The following SND1 variants were observed in gnomAD, a reference collection of about 807,000 sequenced individuals.
The protein encoded by SND1 is staphylococcal nuclease domain-containing protein 1.
Under a neutral mutation model 121.7 loss-of-function variants are expected in SND1, and 38 were observed. The ratio of observed to expected loss-of-function variants is 0.31; its 90% CI spans 0.24 to 0.41. The LOEUF (loss-of-function observed/expected upper bound fraction) is 0.41, where lower values mean the gene tolerates loss of function less well. Ranked by LOEUF, SND1 falls within the 10% of genes least tolerant of loss-of-function variation. The pLI is 1.00. For missense variants in SND1, 868 were observed against 1,184.6 expected (o/e 0.73, Z 3.92); for synonymous variants, 401 against 447.4 (o/e 0.90, Z 1.31).
At chr7:128,091,529 G>A (rs779861845) in intron 22 of SND1, among the ~76,000 whole-genome samples, 7 of 152,096 alleles carry the variant, frequency 4.6e-5, no homozygotes, top group Non-Finnish European at 7.4e-5. Context: ...ATTTTAAATG[G>A]GGTTGCCCGA....
At chr7:127,882,588 C>T (rs1442069867) in intron 12 of SND1, among the ~76,000 whole-genome samples, 1 of 152,014 alleles carries the variant, frequency 6.6e-6, no homozygotes, top group Non-Finnish European at 1.5e-5. Context: ...TCTTCCTCCT[C>T]TCAATTATCT....
intron 14 of SND1, among the ~76,000 whole-genome samples, chr7:127,908,918 G>A (rs1026805835): frequency 6.6e-6 from 1 of 152,106 alleles, no homozygotes; most frequent in Non-Finnish European, 1.5e-5. Context: ...TGTTGTTCTG[G>A]TAGATCAGAC....
chr7:127,907,305 G>A (rs529050737), intron 14 of SND1, among the ~76,000 whole-genome samples: 13 of 152,290 alleles, frequency 8.5e-5, no homozygotes, highest in African/African-American at 3.1e-4. Flanking sequence ...TAAGTGAGAT[G>A]TATGGGTTTT....
At chr7:127,871,668 C>T (rs535222394) in intron 12 of SND1, among the ~76,000 whole-genome samples, 4 of 152,224 alleles carry the variant, frequency 2.6e-5, no homozygotes, top group South Asian at 2.1e-4. Flanking sequence ...GCTGCCATAG[C>T]GCTCCAAACT....
intron 4 of SND1, among the ~76,000 whole-genome samples, chr7:127,700,530 G>A (rs928220521): frequency 6.6e-6 from 1 of 152,170 alleles, no homozygotes; most frequent in African/African-American, 2.4e-5. Context: ...AGAAAGAGGA[G>A]CCATTTCTAG....
chr7:127,656,766 TC>T (rs1318871262), intron 1 of SND1, among the ~76,000 whole-genome samples: 1 of 151,986 alleles, frequency 6.6e-6, no homozygotes, highest in East Asian at 1.9e-4. Context: ...GGGGGTGGGT[TC>T]CCCCAATACA....
chr7:127,898,117 T>C (rs928932795), intron 13 of SND1, among the ~76,000 whole-genome samples: 38 of 152,164 alleles, frequency 2.5e-4, no homozygotes, highest in Non-Finnish European at 4.0e-4. Context: ...TTGGAGTTCA[T>C]AATCCCTTTC....
At chr7:127,750,460 A>G (rs1797069318) in intron 10 of SND1, among the ~76,000 whole-genome samples, 1 of 152,214 alleles carries the variant, frequency 6.6e-6, no homozygotes, top group Admixed American at 6.5e-5. Context: ...CGTGTGTGGT[A>G]TGTTAATTAC....
chr7:128,041,444 A>G (rs1200253436), intron 16 of SND1, among the ~76,000 whole-genome samples: 1 of 152,114 alleles, frequency 6.6e-6, no homozygotes, highest in African/African-American at 2.4e-5. Flanking sequence ...CTTTTTTATT[A>G]TGACTTGAGC....
intron 15 of SND1, among the ~76,000 whole-genome samples, chr7:127,938,595 A>T (rs1302155938): frequency 6.6e-6 from 1 of 152,224 alleles, no homozygotes; most frequent in Admixed American, 6.5e-5. Flanking sequence ...TAGGCAGAAG[A>T]AGTTGGCCTG....
At position 127,818,423 on chromosome 7, in the gene SND1, G is replaced by A. The variant is rs144687731; in HGVS notation, c.1242+10850G>A. Among the ~76,000 whole-genome samples, 140 of 152,164 alleles carry A rather than the reference G, an allele frequency of 9.2e-4. 1 individual carries two copies. The highest frequency in any genetic ancestry group is 3.4e-3 in the Middle Eastern group (1 of 294). ...CACAGAAGGATTTACTCAACTAATAGGCAATAAATACTATTTTTTGGCTTG... is the reference window on the plus strand; with the variant it reads ...CACAGAAGGATTTACTCAACTAATAAGCAATAAATACTATTTTTTGGCTTG... On this transcript the variant is annotated intron_variant, in intron 11 of 23. Transcript: ENST00000354725.
intron 6 of SND1, among the ~76,000 whole-genome samples, 197 bp from the exon 7 acceptor site, chr7:127,702,968 A>G (rs1796129321): frequency 6.6e-6 from 1 of 152,120 alleles, no homozygotes; most frequent in Admixed American, 6.5e-5. Context: ...TTTATTGTCT[A>G]CCTTTGCCAA....
At chr7:127,920,942 A>ATTTT (rs1800693796) in intron 14 of SND1, among the ~76,000 whole-genome samples, 1 of 152,048 alleles carries the variant, frequency 6.6e-6, no homozygotes. Context: ...TTTTACCACT[A>ATTTT]AAAGGCAATG....
intron 10 of SND1, among the ~76,000 whole-genome samples, chr7:127,803,861 G>C (rs1484542241): frequency 6.6e-6 from 1 of 152,194 alleles, no homozygotes; most frequent in Non-Finnish European, 1.5e-5. Flanking sequence ...GAGAGGTACA[G>C]ATGACTGACG....
At chr7:127,773,220 G>A (rs571580709) in intron 10 of SND1, among the ~76,000 whole-genome samples, 10 of 152,314 alleles carry the variant, frequency 6.6e-5, no homozygotes, top group South Asian at 6.2e-4. Context: ...TTGGGAGGCC[G>A]AGGCGGGCGG....
chr7:128,016,167 GAGAC>G (rs370829074), intron 16 of SND1, among the ~76,000 whole-genome samples: 2,328 of 133,148 alleles, frequency 0.017, 74 homozygotes, highest in African/African-American at 0.061. Flanking sequence ...TTTTTTTTAA[GAGAC>G]AGAGTCTTGC....
chr7:128,034,834 G>C (rs1432971152), intron 16 of SND1, among the ~76,000 whole-genome samples: 2 of 152,192 alleles, frequency 1.3e-5, no homozygotes, highest in African/African-American at 4.8e-5. Flanking sequence ...CAGCCCTTCT[G>C]AGCTGAAAGT....
intron 15 of SND1, among the ~76,000 whole-genome samples, chr7:127,989,714 C>T (rs1343961372): frequency 1.3e-5 from 2 of 152,238 alleles, no homozygotes; most frequent in African/African-American, 4.8e-5. Context: ...GCATCCTCCC[C>T]CAGATCTTCA....
intron 10 of SND1, among the ~76,000 whole-genome samples, chr7:127,752,232 CTG>C (rs1392823912): frequency 6.6e-6 from 1 of 151,466 alleles, no homozygotes; most frequent in Non-Finnish European, 1.5e-5. Flanking sequence ...ATTTCACTCT[CTG>C]TGGTGTCTTG....
Sources: gnomAD v4.1 joint callset for allele counts (sites outside exome capture counted in the v4.1 genomes callset) on GRCh38, gnomAD v4.1.1 for gene constraint, MANE v1.5 for transcripts, NCBI Gene and HGNC (gene_info 2026-07-23, HGNC 2026-07-21) for gene names.